The following NEMP2 variants were observed in gnomAD, a reference collection of about 807,000 sequenced individuals.
NEMP2 encodes UPF0571 transmembrane protein.
In NEMP2, 53 loss-of-function variants were observed where a neutral mutation model predicts 54.2. That is an observed-to-expected ratio of 0.98 (90% CI 0.78 to 1.23). The LOEUF is 1.23. NEMP2 is among the 50% of genes most tolerant of loss of function. The pLI, the probability that NEMP2 is intolerant of heterozygous loss-of-function variation, is 0.00. For synonymous variants in NEMP2, 197 were observed against 190.3 expected (o/e 1.04, Z -0.29); for missense variants, 455 against 511.3 (o/e 0.89, Z 1.06).
the NEMP2 span, among the ~76,000 whole-genome samples, chr2:190,618,675 GCTCGAGCAATCCTTCTGC>G: frequency 6.6e-6 from 1 of 152,154 alleles, no homozygotes; most frequent in South Asian, 2.1e-4. Context: ...GATCTCCTGG[GCTCGAGCAATCCTTCTGC>G]CTCAGCCCCT....
At chr2:190,475,072 A>G in the NEMP2 span, among the ~76,000 whole-genome samples, 2 of 152,222 alleles carry the variant, frequency 1.3e-5, no homozygotes, top group East Asian at 1.9e-4. Context: ...TCTCAAAATA[A>G]TAAGAGCTAT....
the NEMP2 span, among the ~76,000 whole-genome samples, chr2:190,556,879 T>C: frequency 6.6e-6 from 1 of 152,130 alleles, no homozygotes; most frequent in Non-Finnish European, 1.5e-5. Context: ...AAAATCAATA[T>C]CATGAAAATG....
the NEMP2 span, among the ~76,000 whole-genome samples, chr2:190,453,349 G>A: frequency 6.6e-6 from 1 of 152,258 alleles, no homozygotes; most frequent in South Asian, 2.1e-4. Context: ...ATGAGATGGG[G>A]AGGATGCCCA....
At chr2:190,640,708 T>C in the NEMP2 span, among the ~76,000 whole-genome samples, 1 of 151,880 alleles carries the variant, frequency 6.6e-6, no homozygotes, top group South Asian at 2.1e-4. Flanking sequence ...AAGTATCCGC[T>C]CCTAGAAGGC....
downstream of NEMP2, among the ~76,000 whole-genome samples, chr2:190,503,687 T>G (rs112546212): frequency 9.7e-4 from 148 of 152,326 alleles, no homozygotes; most frequent in African/African-American, 3.3e-3. The surrounding 1 kb of genome is among the most constrained non-coding windows in gnomAD (Gnocchi z 6.3). Flanking sequence ...AGGCTACTTC[T>G]GAAGCCCCAA....
chr2:190,539,571 A>G (rs1031574825), upstream of NEMP2, among the ~76,000 whole-genome samples: 4 of 152,148 alleles, frequency 2.6e-5, no homozygotes, highest in African/African-American at 7.2e-5. The surrounding 1 kb of genome is among the most constrained non-coding windows in gnomAD (Gnocchi z 4.1). Context: ...AATTATTCCA[A>G]TCCATGAAAT....
the NEMP2 span, among the ~76,000 whole-genome samples, chr2:190,470,903 GTA>G: frequency 1.3e-5 from 2 of 150,862 alleles, no homozygotes; most frequent in African/African-American, 2.4e-5. Context: ...TAAAATTCAA[GTA>G]TATATATATA....
chr2:190,440,319 A>C, the NEMP2 span, among the ~76,000 whole-genome samples: 1 of 152,230 alleles, frequency 6.6e-6, no homozygotes, highest in South Asian at 2.1e-4. Context: ...AAACACACAC[A>C]CATAGAGTAT....
the NEMP2 span, among the ~76,000 whole-genome samples, chr2:190,451,405 A>G: frequency 6.6e-6 from 1 of 152,250 alleles, no homozygotes; most frequent in Non-Finnish European, 1.5e-5. This position sits in a 1 kb window ranked among gnomAD's most constrained non-coding sequence, Gnocchi z 5.0. Context: ...TCCAACAAGT[A>G]TTTATTAAAC....
intron 1 of NEMP2, chr2:190,534,337 A>G (rs1691279078): frequency 8.4e-7 from 1 of 1,195,174 alleles, no homozygotes; most frequent in Admixed American, 4.4e-5. Flanking sequence ...TTCTAATTCT[A>G]AAATTACAAA....
chr2:190,482,203 A>G, the NEMP2 span, among the ~76,000 whole-genome samples: 3 of 152,232 alleles, frequency 2.0e-5, no homozygotes, highest in Non-Finnish European at 2.9e-5. Context: ...CTGAATGACT[A>G]TGGAGCAGAG....
At position 190,527,716 on chromosome 2, in the gene NEMP2, G is replaced by T. The variant is rs1025299196; in HGVS notation, c.98-2338C>A. Among the ~76,000 whole-genome samples the T allele has an allele frequency of 7.2e-5, 11 of 152,140 alleles. No homozygotes were observed. Among genetic ancestry groups the T allele is most frequent in the African/African-American group, 2.7e-4 (11 of 41,428 alleles). On this transcript the variant is annotated intron_variant, in intron 1 of 8. Transcript: ENST00000409150. This position sits in a 1 kb window ranked among gnomAD's most constrained non-coding sequence, Gnocchi z 4.0. The stretch of plus-strand genomic sequence containing the variant: ...TCTGTTAGGAACAGGGCTGCAGGAG[G>T]TGAGCGGTGCGCGAGGCGAGTGATC...
At chr2:190,470,910 T>C in the NEMP2 span, among the ~76,000 whole-genome samples, 1 of 151,976 alleles carries the variant, frequency 6.6e-6, no homozygotes, top group Non-Finnish European at 1.5e-5. Flanking sequence ...CAAGTATATA[T>C]ATATATACTT....
chr2:190,577,028 G>A, the NEMP2 span, among the ~76,000 whole-genome samples: 1 of 152,170 alleles, frequency 6.6e-6, no homozygotes, highest in Non-Finnish European at 1.5e-5. This position sits in a 1 kb window ranked among gnomAD's most constrained non-coding sequence, Gnocchi z 4.8. Flanking sequence ...AGAACTGTGA[G>A]GGATACAATT....
At chr2:190,461,794 TAC>T in the NEMP2 span, among the ~76,000 whole-genome samples, 1 of 152,198 alleles carries the variant, frequency 6.6e-6, no homozygotes, top group Non-Finnish European at 1.5e-5. This position sits in a 1 kb window ranked among gnomAD's most constrained non-coding sequence, Gnocchi z 5.5. Flanking sequence ...TTGGAGGGTA[TAC>T]AGACATTTAA....
chr2:190,513,015 T>A lies in NEMP2; in HGVS notation c.953+1438A>T, dbSNP rs1178311987. 6.6e-6 allele frequency among the ~76,000 whole-genome samples: 1 copy of A among 152,166 alleles called. No homozygotes were observed. On this transcript the variant is annotated intron_variant, in intron 7 of 8. Transcript: ENST00000409150. This position sits in a 1 kb window ranked among gnomAD's most constrained non-coding sequence, Gnocchi z 5.3. ...CATTTATTCACTCCCTCTTCTAGCC[T>A]TGGTCTCATGGTCCTACCCTAGGCC...
At chr2:190,647,571 G>C in the NEMP2 span, among the ~76,000 whole-genome samples, 1 of 152,106 alleles carries the variant, frequency 6.6e-6, no homozygotes, top group Non-Finnish European at 1.5e-5. Flanking sequence ...TTATATTAAT[G>C]AATGCTCTCT....
At chr2:190,540,101 C>A in the NEMP2 span, among the ~76,000 whole-genome samples, 3 of 151,972 alleles carry the variant, frequency 2.0e-5, no homozygotes, top group Non-Finnish European at 4.4e-5. Flanking sequence ...TTTCTATATT[C>A]AGTTCGTTGA....
the NEMP2 span, among the ~76,000 whole-genome samples, chr2:190,456,801 C>G: frequency 6.6e-6 from 1 of 152,206 alleles, no homozygotes; most frequent in Non-Finnish European, 1.5e-5. This position sits in a 1 kb window ranked among gnomAD's most constrained non-coding sequence, Gnocchi z 5.4. Context: ...GTTTCTGTGG[C>G]TACCTCAGCA....
Sources: allele counts gnomAD v4.1 joint callset (sites outside exome capture counted in the v4.1 genomes callset), GRCh38; gene constraint gnomAD v4.1.1; non-coding constraint Gnocchi (gnomAD v3.1); transcripts MANE v1.5; gene names NCBI Gene and HGNC (gene_info 2026-07-23, HGNC 2026-07-21).